SPTBN5: variants seen among roughly 807,000 people sequenced by gnomAD.
The protein encoded by SPTBN5 is spectrin beta chain, non-erythrocytic 5.
A neutral mutation model predicts 477.6 loss-of-function variants in SPTBN5; 513 were observed. The observed-to-expected ratio is 1.07, with a 90% CI of 1.00 to 1.16. SPTBN5 has a LOEUF of 1.16. Among genes scored for constraint, SPTBN5 ranks in the 50% most tolerant of loss-of-function variants. The pLI is 0.00. For missense variants in SPTBN5, 5,062 were observed against 4,731.8 expected, an observed-to-expected ratio of 1.07 and a Z score of -2.05; for synonymous variants, 2,169 against 2,011.7, an observed-to-expected ratio of 1.08 and a Z score of -2.09.
In SPTBN5 at chr15:41,852,639, T is replaced by C; in HGVS notation, c.10444A>G (p.Thr3482Ala). ...QEEKFAQMQK[T>A]EMEQELLLQP... The stretch of plus-strand genomic sequence containing the variant: ...CTAGCCGAGGCAGTCGTCACCTCTG[T>C]CTTTTGCATTTGGGCAAACTTCTCT... The change falls in exon 61 of 68, where the codon ACA becomes GCA. Residue 3482 changes from threonine to alanine, a missense_variant. By Grantham distance (58) the Thr-to-Ala change is moderately conservative. Transcript: ENST00000320955. The C allele has an allele frequency of 6.2e-7, 1 of 1,613,536 alleles. No homozygotes were observed. The highest frequency in any genetic ancestry group is 8.5e-7 in the Non-Finnish European group (1 of 1,179,874).
intron 5 of SPTBN5, among the ~76,000 whole-genome samples, 159 bp downstream of exon 5, chr15:41,887,769 A>G (rs2067200530): frequency 6.6e-6 from 1 of 152,174 alleles, no homozygotes; most frequent in African/African-American, 2.4e-5. Context: ...GGCATTGTCT[A>G]GGGAAGGGAA....
In SPTBN5 at chr15:41,858,996, G is replaced by T. The variant is rs747388901; in HGVS notation, c.7989-16C>A. The T allele has an allele frequency of 3.3e-6, 5 of 1,520,986 alleles. No homozygotes were observed. Among genetic ancestry groups the T allele is most frequent in the Non-Finnish European group, 4.4e-6 (5 of 1,134,704 alleles). 94.2% of individuals were successfully genotyped at this position (1,520,986 alleles called of 1,614,324 possible). A position where few individuals can be genotyped will look rare whatever the true frequency, so the allele number is the denominator to read the frequency against. On this transcript the variant is annotated splice_polypyrimidine_tract_variant and intron_variant, in intron 47 of 67. Coordinates refer to ENST00000320955, the MANE Select transcript of SPTBN5 (RefSeq NM_016642.4). ...CGCCTCCTTCCTGCCAGGAGGAGAGGCTCATGGGCCTGGAGCCACCCCCGG... is the reference window on the plus strand; with the variant it reads ...CGCCTCCTTCCTGCCAGGAGGAGAGTCTCATGGGCCTGGAGCCACCCCCGG...
intron 39 of SPTBN5, among the ~76,000 whole-genome samples, chr15:41,865,405 A>G (rs943324477): frequency 1.4e-4 from 22 of 152,224 alleles, no homozygotes; most frequent in African/African-American, 5.3e-4. Flanking sequence ...GCCCTTCCCC[A>G]GCTTCCCTTA....
At position 41,867,097 on chromosome 15, in the gene SPTBN5, C is replaced by A; in HGVS notation, c.6342G>T (p.Thr2114=). 3 of 1,541,196 alleles carry A rather than the reference C, an allele frequency of 1.9e-6. No individual in the cohort carries two copies. Among genetic ancestry groups the A allele is most frequent in the South Asian group, 1.2e-5 (1 of 83,768 alleles). ...KEAALRERLK[T]LRRPRVRDRL... ...GGTCCCGCACCCGGGGGCGCCGGAG[C>A]GTCTTCAGCCGCTCACGCAGGGCTG... The change falls in exon 36 of 68, where the codon ACG becomes ACT. Residue 2114 remains threonine (T), a synonymous_variant. Transcript: ENST00000320955.
chr15:41,850,312 A>G (rs1057433700), intron 66 of SPTBN5: 2 of 319,954 alleles, frequency 6.3e-6, no homozygotes, highest in African/African-American at 4.2e-5. Flanking sequence ...CTAGGATCCC[A>G]GACACATTCC....
In SPTBN5 at chr15:41,876,222, C is replaced by A. The variant is rs369734228; in HGVS notation, c.4014G>T (p.Ala1338=). 3.9e-5 allele frequency: 62 copies of A among 1,603,442 alleles called. 1 individual carries two copies. The highest frequency in any genetic ancestry group is 4.8e-5 in the Non-Finnish European group (57 of 1,178,766). ...QWMEEKGLMA[A]HEPSGARRNI... ...TTCTGCGCGCTCCGGAGGGCTCATGCGCAGCCATCAGCCCCTTCTCTTCCA... is the reference window on the plus strand; with the variant it reads ...TTCTGCGCGCTCCGGAGGGCTCATGAGCAGCCATCAGCCCCTTCTCTTCCA... Residue 1338 remains alanine, a synonymous_variant, in exon 21 of 68, where the codon GCG becomes GCT. Coordinates refer to ENST00000320955, the MANE Select transcript of SPTBN5 (RefSeq NM_016642.4).
At chr15:41,890,876 C>T (rs2067289457) in intron 3 of SPTBN5, among the ~76,000 whole-genome samples, 1 of 152,168 alleles carries the variant, frequency 6.6e-6, no homozygotes, top group African/African-American at 2.4e-5. Context: ...AGGATCTGGC[C>T]CCCAGCCCCC....
rs1336603130 is a variant in SPTBN5, at chr15:41,876,293, A to T, written c.3952-9T>A. On this transcript the variant is annotated splice_polypyrimidine_tract_variant and intron_variant, in intron 20 of 67. Transcript: ENST00000320955. ...ACATCCTGCTTCCACTCCTGCCAAG[A>T]ACCAGGCGAGAGTGGGTCTCAGAGC... 1 of 1,547,164 alleles carries T rather than the reference A, an allele frequency of 6.5e-7. No homozygotes were observed. Among genetic ancestry groups the T allele is most frequent in the Non-Finnish European group, 8.7e-7 (1 of 1,145,292 alleles).
At position 41,856,603 on chromosome 15, in the gene SPTBN5, G is replaced by A. The variant is rs763797990; in HGVS notation, c.8809-5C>T. ...GCTCATCTCACTCTCCAGGTTCTGC[G>A]GGGGAGGAGGCAGGAGGATGCGGAT... On this transcript the variant is annotated splice_polypyrimidine_tract_variant and splice_region_variant and intron_variant, in intron 52 of 67. Coordinates refer to ENST00000320955, the MANE Select transcript of SPTBN5 (RefSeq NM_016642.4). The A allele has an allele frequency of 2.2e-5, 35 of 1,572,326 alleles. No individual in the cohort carries two copies. The highest frequency in any genetic ancestry group is 5.4e-5 in the African/African-American group (4 of 73,974).
Position 41,878,340 on chromosome 15 carries a change from A to T in SPTBN5, c.3470+2T>A, listed in dbSNP as rs759428704. ...GCACCCCTTCTGCCCTCCTGTCCTGACCTCTCCTGCCACAGGTGGATCTCC... is the reference window on the plus strand; with the variant it reads ...GCACCCCTTCTGCCCTCCTGTCCTGTCCTCTCCTGCCACAGGTGGATCTCC... On this transcript the variant is annotated splice_donor_variant, in intron 17 of 67. Coordinates refer to ENST00000320955, the MANE Select transcript of SPTBN5 (RefSeq NM_016642.4). LOFTEE classifies it high-confidence loss of function. 3.1e-6 allele frequency: 5 copies of T among 1,612,308 alleles called. No individual in the cohort carries two copies. The highest frequency in any genetic ancestry group is 3.3e-4 in the Middle Eastern group (2 of 6,062).
intron 61 of SPTBN5, 68 bp from the exon 62 acceptor site, chr15:41,852,384 T>C (rs2065794626): frequency 2.0e-6 from 3 of 1,493,538 alleles, no homozygotes; most frequent in Middle Eastern, 1.9e-4. Context: ...CAGGTTCCCG[T>C]CTACCTCCCC....
At position 41,883,223 on chromosome 15, in the gene SPTBN5, C is replaced by T. The variant is rs148297597; in HGVS notation, c.1665G>A (p.Pro555=). 637 of 1,609,174 alleles carry T rather than the reference C, an allele frequency of 4.0e-4. 3 individuals are homozygous for T. The African/African-American group carries it at 7.1e-3, about 18-fold the overall frequency. The change falls in exon 9 of 68, where the codon CCG becomes CCA. Residue 555 remains proline (P), a synonymous_variant. Transcript: ENST00000320955. ...ASHQLEELQE[P]ARSTACGQQL... ...GCTGCCCACAGGCGGTGGACCTGGC[C>T]GGCTCCTGGCCAGAGATGATGGTCA... is the stretch of plus-strand genomic sequence containing the variant.
chr15:41,860,361 T>C (rs1191339585), intron 47 of SPTBN5, among the ~76,000 whole-genome samples: 1 of 152,252 alleles, frequency 6.6e-6, no homozygotes, highest in Non-Finnish European at 1.5e-5. Context: ...TGATCTCAAC[T>C]GAATGAAGAA....
rs1408684760 is a variant in SPTBN5 at position 41,867,057 on chromosome 15, G to C, written c.6382C>G (p.Leu2128Val). ...PRVRDRLPIL[L>V]QRRMRVKELA... ...TCCTTCACTCTCATCCGGCGCTGCAGCAGGATGGGAAGCCGGTCCCGCACC... is the reference window on the plus strand; with the variant it reads ...TCCTTCACTCTCATCCGGCGCTGCACCAGGATGGGAAGCCGGTCCCGCACC... Residue 2128 changes from leucine (L) to valine (V), a missense_variant, in exon 36 of 68, where the codon CTG becomes GTG. Coordinates refer to ENST00000320955, the MANE Select transcript of SPTBN5 (RefSeq NM_016642.4). The C allele has an allele frequency of 6.4e-7, 1 of 1,551,092 alleles. No homozygotes were observed. Among genetic ancestry groups the C allele is most frequent in the Non-Finnish European group, 8.7e-7 (1 of 1,148,334 alleles).
At chr15:41,855,176 C>T in intron 55 of SPTBN5, 48 bp downstream of exon 55, 1 of 1,565,320 alleles carries the variant, frequency 6.4e-7, no homozygotes, top group South Asian at 1.2e-5. Context: ...GGCAGGCCTT[C>T]CTCAGCCTCT....
chr15:41,850,028 C>G (rs2065699833), intron 66 of SPTBN5, 69 bp from the exon 67 acceptor site: 4 of 1,306,498 alleles, frequency 3.1e-6, no homozygotes, highest in Middle Eastern at 1.8e-4. Context: ...TCTGGCTGCT[C>G]CTTCCTCCAG....
In SPTBN5 at chr15:41,882,152, G is replaced by C. The variant is rs1178108860; in HGVS notation, c.2248-7C>G. Reference sequence around the variant, plus strand: ...CCGCCGCGTCCGCGAAGTACTGTGGGAGGGGGTCGGGGGTGGTGTGGGTGA... The same window carrying C: ...CCGCCGCGTCCGCGAAGTACTGTGGCAGGGGGTCGGGGGTGGTGTGGGTGA... On this transcript the variant is annotated splice_polypyrimidine_tract_variant and splice_region_variant and intron_variant, in intron 11 of 67. Transcript: ENST00000320955. 4 of 1,567,830 alleles carry C rather than the reference G, an allele frequency of 2.6e-6. No individual in the cohort carries two copies. The highest frequency in any genetic ancestry group is 2.3e-4 in the Middle Eastern group (1 of 4,396).
In SPTBN5 at chr15:41,875,420, C is replaced by T. The variant is rs370937400; in HGVS notation, c.4287+38G>A. The T allele has an allele frequency of 4.1e-5, 65 of 1,594,954 alleles. No homozygotes were observed. The South Asian group carries it at 4.2e-4, about 10-fold the overall frequency. On this transcript the variant is annotated intron_variant, in intron 22 of 67. Coordinates refer to ENST00000320955, the MANE Select transcript of SPTBN5 (RefSeq NM_016642.4). The stretch of plus-strand genomic sequence containing the variant: ...GTTCTGTCCAGCCCAGCCAGGCCTC[C>T]GTCTCCCTCTTGTGCCCTGTCCCTC...
chr15:41,860,181 C>T (rs548058419), intron 47 of SPTBN5, among the ~76,000 whole-genome samples: 56 of 152,324 alleles, frequency 3.7e-4, no homozygotes, highest in South Asian at 1.0e-3. Flanking sequence ...ATGTGAGGCT[C>T]AGCTGCCGAG....
Sources: gnomAD v4.1 joint callset for allele counts (sites outside exome capture counted in the v4.1 genomes callset) on GRCh38, gnomAD v4.1.1 for gene constraint, MANE v1.5 for transcripts, NCBI Gene and HGNC (gene_info 2026-07-23, HGNC 2026-07-21) for gene names.